AK7: variants seen among roughly 807,000 people sequenced by gnomAD.
AK7 encodes the protein adenylate kinase 7, also known as ATP-AMP transphosphorylase 7.
Under a neutral mutation model 96.6 loss-of-function variants are expected in AK7, and 78 were observed. The ratio of observed to expected loss-of-function variants is 0.81; its 90% confidence interval spans 0.67 to 0.97. The LOEUF is 0.97. Ranked by LOEUF, AK7 falls within the 50% of genes least tolerant of loss-of-function variation. AK7 has a pLI of 0.00. For synonymous variants in AK7, 302 were observed against 317.2 expected (o/e 0.95, Z 0.51); for missense variants, 855 against 887.9 (o/e 0.96, Z 0.47).
intron 12 of AK7, among the ~76,000 whole-genome samples, chr14:96,459,885 A>C (rs1894159816): frequency 6.6e-6 from 1 of 152,184 alleles, no homozygotes; most frequent in African/African-American, 2.4e-5. Context: ...TCAAAAAAAA[A>C]GAAAGAAAAG....
intron 12 of AK7, among the ~76,000 whole-genome samples, chr14:96,467,401 T>C (rs111755245): frequency 0.051 from 7,801 of 151,494 alleles, 358 homozygotes; most frequent in African/African-American, 0.13. Flanking sequence ...AATGGTGCAA[T>C]CTCGGCTCAC....
In AK7 at chr14:96,399,847, A is replaced by G. The variant is rs143869773; in HGVS notation, c.294+1584A>G. Among the ~76,000 whole-genome samples the G allele has an allele frequency of 6.6e-6, 1 of 152,128 alleles. No homozygotes were observed. The highest frequency in any genetic ancestry group is 1.5e-5 in the Non-Finnish European group (1 of 68,006). On this transcript the variant is annotated intron_variant, in intron 2 of 17. Coordinates refer to ENST00000267584, the MANE Select transcript of AK7 (RefSeq NM_152327.5). This position sits in a 1 kb window ranked among gnomAD's most constrained non-coding sequence, Gnocchi z 4.1. The stretch of plus-strand genomic sequence containing the variant: ...CCAGAGCTCACTCCCTTCCTACAAC[A>G]GATGACCTTCCTAAATCTTATCCAA...
At chr14:96,483,750 A>T (rs10132213) in intron 16 of AK7, among the ~76,000 whole-genome samples, 45 of 152,326 alleles carry the variant, frequency 3.0e-4, no homozygotes, top group African/African-American at 1.1e-3. Context: ...AACAAAAACT[A>T]GCCATTAGCA....
At chr14:96,403,339 G>A (rs543831539) in intron 2 of AK7, among the ~76,000 whole-genome samples, 1 of 152,104 alleles carries the variant, frequency 6.6e-6, no homozygotes, top group Non-Finnish European at 1.5e-5. Flanking sequence ...GAGAGGCACA[G>A]AACAGACTCT....
rs984353525 is a variant in AK7 at position 96,489,349 on chromosome 14, C to G, written c.*1006C>G. On this transcript the variant is annotated 3_prime_UTR_variant, in exon 18 of 18. Transcript: ENST00000267584. The stretch of plus-strand genomic sequence containing the variant: ...AGTCACGCTCCATTATTCCCTCCCC[C>G]CAGTTCCAGGCAACCACGAATCTGC... 6.6e-6 allele frequency: 1 copy of G among 152,188 alleles called. No homozygotes were observed. Among genetic ancestry groups the G allele is most frequent in the African/African-American group, 2.4e-5 (1 of 41,442 alleles). 9.4% of individuals were successfully genotyped at this position (152,188 alleles called of 1,614,324 possible). A position where few individuals can be genotyped will look rare whatever the true frequency, so the allele number is the denominator to read the frequency against.
intron 2 of AK7, among the ~76,000 whole-genome samples, chr14:96,403,473 A>G (rs1890532829): frequency 6.6e-6 from 1 of 152,188 alleles, no homozygotes. Flanking sequence ...CAACAGCCCT[A>G]GAAAACTAAT....
chr14:96,472,293 C>G (rs143090549), intron 13 of AK7, among the ~76,000 whole-genome samples: 2 of 152,274 alleles, frequency 1.3e-5, no homozygotes, highest in African/African-American at 4.8e-5. Flanking sequence ...TCCCGAGTAG[C>G]TGGGACTACA....
At chr14:96,484,168 G>A (rs935388026) in intron 16 of AK7, among the ~76,000 whole-genome samples, 1 of 152,058 alleles carries the variant, frequency 6.6e-6, no homozygotes, top group African/African-American at 2.4e-5. Flanking sequence ...TTTGATCCTG[G>A]GAGACTGAGG....
intron 10 of AK7, among the ~76,000 whole-genome samples, chr14:96,454,029 C>G (rs1233318226): frequency 1.3e-5 from 2 of 152,172 alleles, no homozygotes. Context: ...CCAGAACCAT[C>G]CATCCTCCCT....
At chr14:96,418,286 T>C (rs1891462026) in intron 4 of AK7, among the ~76,000 whole-genome samples, 1 of 119,764 alleles carries the variant, frequency 8.3e-6, no homozygotes, top group Non-Finnish European at 1.6e-5. Flanking sequence ...ATTGTGCCAC[T>C]GCGCCCCACC....
chr14:96,407,823 C>T (rs369258112), intron 3 of AK7, among the ~76,000 whole-genome samples: 4 of 151,932 alleles, frequency 2.6e-5, no homozygotes, highest in East Asian at 1.9e-4. Flanking sequence ...CCTCGTGATC[C>T]GCCCGCCTCG....
chr14:96,456,415 C>G lies in AK7; in HGVS notation c.1167C>G (p.Asn389Lys), dbSNP rs2369679. 1,338,515 of 1,613,062 alleles carry G rather than the reference C, an allele frequency of 0.83. 557,097 individuals are homozygous for G. The highest frequency in any genetic ancestry group is 0.96 in the East Asian group (43,015 of 44,862). ...GKSSIAKELA[N>K]YYKLHHIQLK... Reference sequence around the variant, plus strand: ...CCAGTATTGCTAAAGAATTGGCCAACTACTACAAACTGCATCACATCCAAC... The same window carrying G: ...CCAGTATTGCTAAAGAATTGGCCAAGTACTACAAACTGCATCACATCCAAC... The change falls in exon 11 of 18, where the codon AAC becomes AAG. Residue 389 changes from asparagine (N) to lysine (K), a missense_variant. Physicochemically the swap from Asn to Lys is moderately conservative, Grantham distance 94 (BLOSUM62 0). Coordinates refer to ENST00000267584, the MANE Select transcript of AK7 (RefSeq NM_152327.5).
intron 5 of AK7, among the ~76,000 whole-genome samples, chr14:96,433,170 G>C (rs1388255723): frequency 6.6e-6 from 1 of 152,166 alleles, no homozygotes; most frequent in African/African-American, 2.4e-5. Flanking sequence ...TTCTCGAGGA[G>C]TATCTTTGTG....
At chr14:96,484,881 C>T (rs1366204140) in intron 16 of AK7, among the ~76,000 whole-genome samples, 2 of 152,034 alleles carry the variant, frequency 1.3e-5, no homozygotes, top group African/African-American at 4.8e-5. Flanking sequence ...TGGCACATAA[C>T]AGGCACTCAA....
intron 6 of AK7, among the ~76,000 whole-genome samples, chr14:96,438,720 T>C (rs1362690976): frequency 1.3e-5 from 2 of 152,066 alleles, no homozygotes; most frequent in African/African-American, 4.8e-5. Context: ...AGCAACATAA[T>C]CCATATGATA....
intron 5 of AK7, among the ~76,000 whole-genome samples, chr14:96,435,936 G>A (rs1241637970): frequency 6.6e-6 from 1 of 152,116 alleles, no homozygotes; most frequent in Non-Finnish European, 1.5e-5. Context: ...TGTTTTTTCT[G>A]GTTCTTCAGT....
chr14:96,439,663 CAAAA>C (rs58424748), intron 6 of AK7, among the ~76,000 whole-genome samples: 6 of 109,644 alleles, frequency 5.5e-5, no homozygotes, highest in Admixed American at 9.1e-5. Context: ...GACTCCATCT[CAAAA>C]AAAAAAAAAA....
chr14:96,446,628 AC>A (rs756826008), intron 8 of AK7, 21 bp downstream of exon 8: 453 of 1,604,746 alleles, frequency 2.8e-4, no homozygotes, highest in Non-Finnish European at 5.9e-5. Flanking sequence ...TTCATCCCAT[AC>A]TTTGATGACA....
Position 96,400,010 on chromosome 14 carries a change from G to A in AK7, c.294+1747G>A, listed in dbSNP as rs1890312125. 2.1e-5 allele frequency among the ~76,000 whole-genome samples: 3 copies of A among 144,476 alleles called. No individual in the cohort carries two copies. In the Admixed American group the frequency reaches 2.1e-4, roughly 10 times the overall value. The allele number at this position is 144,476 out of a possible 152,430, so 94.8% of individuals were successfully genotyped here. A position where few individuals can be genotyped will look rare whatever the true frequency, so the allele number is the denominator to read the frequency against. On this transcript the variant is annotated intron_variant, in intron 2 of 17. Transcript: ENST00000267584. ...AACATATCCAAAATCATATTTATTAGACCCCGCTACAAAAACAATCTTTTT... is the reference window on the plus strand; with the variant it reads ...AACATATCCAAAATCATATTTATTAAACCCCGCTACAAAAACAATCTTTTT...
Sources: gnomAD v4.1 joint callset for allele counts (sites outside exome capture counted in the v4.1 genomes callset) on GRCh38, gnomAD v4.1.1 for gene constraint, Gnocchi (gnomAD v3.1) non-coding constraint, MANE v1.5 for transcripts, NCBI Gene and HGNC (gene_info 2026-07-23, HGNC 2026-07-21) for gene names.